ADAM12: variants seen among roughly 807,000 people sequenced by gnomAD.
ADAM12 encodes disintegrin and metalloproteinase domain-containing protein 12.
ADAM12 carries 70 observed loss-of-function variants against 106.4 expected under a neutral mutation model. That is an observed-to-expected ratio of 0.66 (90% CI 0.54 to 0.80). ADAM12 has a LOEUF of 0.80. ADAM12 is among the 30% of genes least tolerant of loss of function. ADAM12 has a pLI of 0.00. For missense variants in ADAM12, 1,010 were observed against 1,171.9 expected (o/e 0.86, Z 2.02); for synonymous variants, 420 against 433.5 (o/e 0.97, Z 0.39).
intron 2 of ADAM12, among the ~76,000 whole-genome samples, chr10:126,317,619 G>GT (rs60048209): frequency 1 from 151,485 of 152,116 alleles, 75,430 homozygotes; most frequent in Non-Finnish European, 1. Flanking sequence ...TTTAAGAAAT[G>GT]TTTTTTTCCC....
At chr10:126,304,606 A>G (rs1960764509) in intron 2 of ADAM12, among the ~76,000 whole-genome samples, 1 of 152,110 alleles carries the variant, frequency 6.6e-6, no homozygotes, top group African/African-American at 2.4e-5. Context: ...ATGAAATACT[A>G]TTTGATAAAT....
intron 22 of ADAM12, among the ~76,000 whole-genome samples, chr10:126,019,033 G>A (rs1175587688): frequency 1.3e-5 from 2 of 152,166 alleles, no homozygotes; most frequent in Admixed American, 6.5e-5. Flanking sequence ...TGAAGGTGGA[G>A]CCTTGTGGGA....
chr10:126,178,317 C>T (rs111376187), intron 3 of ADAM12, among the ~76,000 whole-genome samples: 2,920 of 151,628 alleles, frequency 0.019, 105 homozygotes, highest in African/African-American at 0.067. Context: ...GAGAATTTTG[C>T]ACCTTAAACT....
chr10:126,361,227 T>G (rs1000488853), intron 1 of ADAM12, among the ~76,000 whole-genome samples: 2 of 152,118 alleles, frequency 1.3e-5, no homozygotes, highest in Admixed American at 1.3e-4. Flanking sequence ...GAAATAAATT[T>G]AAGCAAGGAG....
chr10:126,120,708 G>C (rs112482278), intron 5 of ADAM12, among the ~76,000 whole-genome samples: 6 of 151,522 alleles, frequency 4.0e-5, no homozygotes, highest in African/African-American at 1.5e-4. Flanking sequence ...AGACCTTGAG[G>C]GTTTTCCTTC....
intron 5 of ADAM12, among the ~76,000 whole-genome samples, chr10:126,132,728 A>C (rs1207062951): frequency 6.6e-6 from 1 of 152,138 alleles, no homozygotes; most frequent in Non-Finnish European, 1.5e-5. Flanking sequence ...ACTGGGGCTC[A>C]GAGAGGCCCA....
intron 11 of ADAM12, among the ~76,000 whole-genome samples, chr10:126,078,953 C>T (rs1211283154): frequency 1.3e-5 from 2 of 152,084 alleles, no homozygotes; most frequent in Non-Finnish European, 2.9e-5. Flanking sequence ...CTCAATGTAC[C>T]GATTTAAACA....
At chr10:126,030,146 A>C (rs1953948913) in intron 21 of ADAM12, among the ~76,000 whole-genome samples, 1 of 152,244 alleles carries the variant, frequency 6.6e-6, no homozygotes, top group Non-Finnish European at 1.5e-5. Context: ...AGATGTATAA[A>C]ACTAATAAGG....
At chr10:126,070,889 G>C (rs1201112879) in intron 12 of ADAM12, among the ~76,000 whole-genome samples, 2 of 152,146 alleles carry the variant, frequency 1.3e-5, no homozygotes, top group African/African-American at 4.8e-5. Context: ...ATTAAAACAA[G>C]GACATTTCCT....
chr10:126,297,573 C>T (rs1358250851), intron 2 of ADAM12, among the ~76,000 whole-genome samples: 1 of 152,066 alleles, frequency 6.6e-6, no homozygotes, highest in Non-Finnish European at 1.5e-5. Context: ...AGCAAAACAA[C>T]GTGGGAACCA....
At chr10:126,181,934 T>TCAGCA (rs1168029258) in intron 3 of ADAM12, among the ~76,000 whole-genome samples, 1 of 152,102 alleles carries the variant, frequency 6.6e-6, no homozygotes, top group African/African-American at 2.4e-5. Context: ...CATGGCCCGG[T>TCAGCA]CAGCATCCAT....
intron 2 of ADAM12, among the ~76,000 whole-genome samples, chr10:126,321,586 A>G (rs1217535080): frequency 6.6e-6 from 1 of 152,142 alleles, no homozygotes; most frequent in African/African-American, 2.4e-5. Context: ...AAAAAGGAGG[A>G]GTGAACAGGA....
chr10:126,148,053 A>G (rs985147794), intron 4 of ADAM12, among the ~76,000 whole-genome samples: 2 of 152,208 alleles, frequency 1.3e-5, no homozygotes, highest in African/African-American at 2.4e-5. Context: ...TATTAAAAGT[A>G]ACAATATAAA....
chr10:126,328,519 C>A (rs1318994941), intron 2 of ADAM12, among the ~76,000 whole-genome samples: 3 of 152,188 alleles, frequency 2.0e-5, no homozygotes, highest in Non-Finnish European at 2.9e-5. Context: ...GGAATTCCTG[C>A]AAACAGGTAC....
chr10:126,286,514 G>A (rs1263152721), intron 2 of ADAM12, among the ~76,000 whole-genome samples: 3 of 152,052 alleles, frequency 2.0e-5, no homozygotes, highest in African/African-American at 4.8e-5. Flanking sequence ...ATCCCTCTCC[G>A]GCACTAAATA....
intron 2 of ADAM12, among the ~76,000 whole-genome samples, chr10:126,301,489 T>C (rs1174374625): frequency 6.6e-6 from 1 of 152,188 alleles, no homozygotes. Flanking sequence ...TGGGGAGGTT[T>C]CCTGAGAGTT....
intron 3 of ADAM12, among the ~76,000 whole-genome samples, chr10:126,251,569 GGGAT>G (rs1958753458): frequency 2.0e-5 from 3 of 151,572 alleles, no homozygotes; most frequent in African/African-American, 7.3e-5. Flanking sequence ...TGGGATGGAT[GGGAT>G]GGATGGATGA....
chr10:126,363,373 C>T (rs1463228112), intron 1 of ADAM12, among the ~76,000 whole-genome samples: 1 of 151,736 alleles, frequency 6.6e-6, no homozygotes, highest in African/African-American at 2.4e-5. Flanking sequence ...TTTTACTGTC[C>T]CAAAAAACAC....
intron 1 of ADAM12, among the ~76,000 whole-genome samples, chr10:126,377,931 A>G (rs971697850): frequency 1.3e-5 from 2 of 152,358 alleles, no homozygotes; most frequent in South Asian, 4.1e-4. Flanking sequence ...ATTTAGAAGA[A>G]ATTATCAACA....
Sources: gnomAD v4.1 joint callset for allele counts (sites outside exome capture counted in the v4.1 genomes callset) on GRCh38, gnomAD v4.1.1 for gene constraint, MANE v1.5 for transcripts, NCBI Gene and HGNC (gene_info 2026-07-23, HGNC 2026-07-21) for gene names.